The following GOLT1A variants were observed in gnomAD, a reference collection of about 807,000 sequenced individuals.
GOLT1A encodes vesicle transport protein GOT1A.
A neutral mutation model predicts 16.1 loss-of-function variants in GOLT1A; 10 were observed. The observed-to-expected ratio is 0.62, with a 90% CI of 0.38 to 1.05. GOLT1A has a LOEUF of 1.05. Among genes scored for constraint, GOLT1A ranks in the 50% least tolerant of loss-of-function variants. The probability of loss-of-function intolerance (pLI) is 0.01; values close to 1 mark genes in which losing one functional copy is unlikely to be tolerated. For missense variants in GOLT1A, 137 were observed against 165.7 expected (o/e 0.83, Z 0.95); for synonymous variants, 60 against 67.9 (o/e 0.88, Z 0.57).
chr1:204,198,846 C>T (rs1316198574), intron 4 of GOLT1A: 5 of 470,362 alleles, frequency 1.1e-5, no homozygotes, highest in South Asian at 3.2e-5. Flanking sequence ...GCCTGGGGCC[C>T]GCACTTAGCC....
rs1658980063 is a variant in GOLT1A at position 204,202,602 on chromosome 1, G to A, written c.117+294C>T. Among the ~76,000 whole-genome samples the A allele has an allele frequency of 2.0e-5, 3 of 152,164 alleles. No homozygotes were observed. The South Asian group carries it at 6.2e-4, about 32-fold the overall frequency. On this transcript the variant is annotated intron_variant, in intron 2 of 4. Transcript: ENST00000308302. ...GTGGGATTCAGATGGCAGGGACAGT[G>A]TCTGAGTCCTCTTAGAACCCCCAGG...
intron 1 of GOLT1A, among the ~76,000 whole-genome samples, chr1:204,212,313 C>A (rs942807944): frequency 1.3e-5 from 2 of 152,224 alleles, no homozygotes; most frequent in African/African-American, 2.4e-5. Flanking sequence ...CCTGCTAACA[C>A]CTTGGTCTCC....
chr1:204,208,541 T>C (rs1431313263), intron 1 of GOLT1A, among the ~76,000 whole-genome samples: 3 of 135,242 alleles, frequency 2.2e-5, no homozygotes, highest in African/African-American at 8.5e-5. Context: ...AGGAATGAAA[T>C]AATGGCATTC....
intron 1 of GOLT1A, 34 bp from the exon 2 acceptor site, chr1:204,203,021 C>T (rs1027686533): frequency 3.8e-6 from 6 of 1,574,888 alleles, no homozygotes; most frequent in Non-Finnish European, 4.4e-6. Context: ...GAGGAAAGGG[C>T]TTTGGGGAGC....
At chr1:204,208,789 A>G (rs1445627729) in intron 1 of GOLT1A, among the ~76,000 whole-genome samples, 3 of 151,976 alleles carry the variant, frequency 2.0e-5, no homozygotes, top group Non-Finnish European at 4.4e-5. Context: ...CCAAAATCTC[A>G]GAAATCACAC....
chr1:204,212,439 C>T (rs1315465795), intron 1 of GOLT1A, among the ~76,000 whole-genome samples: 1 of 151,998 alleles, frequency 6.6e-6, no homozygotes, highest in Non-Finnish European at 1.5e-5. Context: ...GAGTTCGAGA[C>T]CAACCTGGTA....
rs528388349 is a variant in GOLT1A at position 204,211,612 on chromosome 1, A to G, written c.25+2270T>C. Among the ~76,000 whole-genome samples the G allele has an allele frequency of 2.4e-3, 373 of 152,304 alleles. 5 individuals carry two copies. Among genetic ancestry groups the G allele is most frequent in the South Asian group, 0.012 (60 of 4,824 alleles). On this transcript the variant is annotated intron_variant, in intron 1 of 4. Coordinates refer to ENST00000308302, the MANE Select transcript of GOLT1A (RefSeq NM_198447.2). ...CTTGCTTATCATATTTGGTAAGAGT[A>G]TATTACTTGCAGGCTAATTGGTTTA... is the stretch of plus-strand genomic sequence containing the variant.
chr1:204,198,579 G>T, intron 4 of GOLT1A, 83 bp from the exon 5 acceptor site: 1 of 1,344,654 alleles, frequency 7.4e-7, no homozygotes, highest in Non-Finnish European at 1.0e-6. Flanking sequence ...GGCCTTGAGA[G>T]CCAGGAGCTG....
chr1:204,202,887 G>A lies in GOLT1A; in HGVS notation c.117+9C>T, dbSNP rs755336810. 3.7e-6 allele frequency: 6 copies of A among 1,609,242 alleles called. No individual in the cohort carries two copies. The highest frequency in any genetic ancestry group is 5.1e-6 in the Non-Finnish European group (6 of 1,175,670). Reference sequence around the variant, plus strand: ...CAGGGGAGTGGGGACACAGGGCTGGGAGACTCACGTTTCCAAAGGCCAGGA... The same window carrying A: ...CAGGGGAGTGGGGACACAGGGCTGGAAGACTCACGTTTCCAAAGGCCAGGA... On this transcript the variant is annotated intron_variant, in intron 2 of 4. Transcript: ENST00000308302.
In GOLT1A at chr1:204,198,291, C is replaced by T. The variant is rs563386898; in HGVS notation, c.*167G>A. 1.6e-6 allele frequency: 1 copy of T among 632,916 alleles called. No homozygotes were observed. The highest frequency in any genetic ancestry group is 3.1e-5 in the Admixed American group (1 of 32,782). The allele number at this position is 632,916 out of a possible 1,614,324, so 39.2% of individuals were successfully genotyped here. ...GCTTCCTGGCAGCCTCTTGAGTCGA[C>T]TTGGGGATTTGACGTCAGTTGCTCA... On this transcript the variant is annotated 3_prime_UTR_variant, in exon 5 of 5. Coordinates refer to ENST00000308302, the MANE Select transcript of GOLT1A (RefSeq NM_198447.2).
chr1:204,206,431 T>C (rs1659040265), intron 1 of GOLT1A, among the ~76,000 whole-genome samples: 3 of 152,254 alleles, frequency 2.0e-5, no homozygotes, highest in Non-Finnish European at 4.4e-5. Flanking sequence ...TTTGTCAACA[T>C]TTCCATCCTC....
intron 3 of GOLT1A, among the ~76,000 whole-genome samples, chr1:204,199,708 G>A (rs942577867): frequency 3.3e-5 from 5 of 152,138 alleles, no homozygotes; most frequent in East Asian, 3.9e-4. Context: ...GGCCCTGGGC[G>A]TCGGGGGCTG....
Position 204,198,388 on chromosome 1 carries a change from G to C in GOLT1A, c.*70C>G. 4.3e-6 allele frequency: 6 copies of C among 1,408,078 alleles called. No homozygotes were observed. The highest frequency in any genetic ancestry group is 4.0e-6 in the Non-Finnish European group (4 of 994,748). The allele number at this position is 1,408,078 out of a possible 1,614,324, so 87.2% of individuals were successfully genotyped here. A position where few individuals can be genotyped will look rare whatever the true frequency, so the allele number is the denominator to read the frequency against. On this transcript the variant is annotated 3_prime_UTR_variant, in exon 5 of 5. Coordinates refer to ENST00000308302, the MANE Select transcript of GOLT1A (RefSeq NM_198447.2). ...GAGTGAGTCAGTGCAGGGGACTGAG[G>C]GGGTGGTTCCCATTCTCCCTCTAGC...
chr1:204,202,846 T>G (rs1411537408), intron 2 of GOLT1A, 50 bp downstream of exon 2: 3 of 1,337,952 alleles, frequency 2.2e-6, no homozygotes, highest in Non-Finnish European at 3.2e-6. Context: ...CAATAGAGAC[T>G]TCAGAAAGGT....
intron 1 of GOLT1A, among the ~76,000 whole-genome samples, chr1:204,208,875 C>T (rs1194376659): frequency 6.6e-6 from 1 of 152,140 alleles, no homozygotes; most frequent in African/African-American, 2.4e-5. Flanking sequence ...AAAAAATTCT[C>T]CTAAACAGCC....
chr1:204,207,702 T>A (rs1267134687), intron 1 of GOLT1A, among the ~76,000 whole-genome samples: 1 of 152,206 alleles, frequency 6.6e-6, no homozygotes, highest in East Asian at 1.9e-4. Context: ...CTTTTCCTTT[T>A]CTTAAAGCAA....
At chr1:204,199,168 G>T (rs186896172) in intron 4 of GOLT1A, 27 bp downstream of exon 4, 2 of 1,567,316 alleles carry the variant, frequency 1.3e-6, no homozygotes, top group Non-Finnish European at 1.7e-6. Flanking sequence ...GGGTACGCCC[G>T]CAGGGCTGCA....
chr1:204,208,933 C>A (rs902364164), intron 1 of GOLT1A, among the ~76,000 whole-genome samples: 4 of 152,174 alleles, frequency 2.6e-5, no homozygotes, highest in Non-Finnish European at 5.9e-5. Context: ...ATGTGACTAT[C>A]CTCCAACCCT....
chr1:204,211,954 CTG>C (rs1406010887), intron 1 of GOLT1A, among the ~76,000 whole-genome samples: 19 of 152,206 alleles, frequency 1.2e-4, no homozygotes, highest in African/African-American at 4.3e-4. Flanking sequence ...AGGTGAGAAA[CTG>C]TGCCTGCCCT....
Sources: gnomAD v4.1 joint callset for allele counts (sites outside exome capture counted in the v4.1 genomes callset) on GRCh38, gnomAD v4.1.1 for gene constraint, MANE v1.5 for transcripts, NCBI Gene and HGNC (gene_info 2026-07-23, HGNC 2026-07-21) for gene names.